Variants in GREB1 observed in about 807,000 individuals in gnomAD.
GREB1 encodes growth regulating estrogen receptor binding 1, also known as protein GREB1.
GREB1 carries 106 observed loss-of-function variants against 200.7 expected under a neutral mutation model. That is an observed-to-expected ratio of 0.53 (90% CI 0.45 to 0.62). The LOEUF (loss-of-function observed/expected upper bound fraction) is 0.62, where lower values mean the gene tolerates loss of function less well. Among genes scored for constraint, GREB1 ranks in the 20% least tolerant of loss-of-function variants. The pLI is 0.00. For missense variants in GREB1, 2,243 were observed against 2,556.8 expected, an observed-to-expected ratio of 0.88 and a Z score of 2.65; for synonymous variants, 1,132 against 1,092.4, an observed-to-expected ratio of 1.04 and a Z score of -0.72.
chr2:11,569,717 C>T (rs577357085), intron 4 of GREB1, among the ~76,000 whole-genome samples: 15 of 152,346 alleles, frequency 9.8e-5, no homozygotes, highest in Admixed American at 3.3e-4. Flanking sequence ...CTGACTTGCT[C>T]AGGGCCACCC....
chr2:11,630,129 G>A lies in GREB1; in HGVS notation c.4611+20G>A, dbSNP rs778225592. 6.2e-7 allele frequency: 1 copy of A among 1,613,510 alleles called. No homozygotes were observed. Among genetic ancestry groups the A allele is most frequent in the Admixed American group, 1.7e-5 (1 of 60,000 alleles). ...GACAAGGTACTGGCTCAGAGACCTA[G>A]TGGGACAGATCCAAGTGGCTTCAAC... On this transcript the variant is annotated intron_variant, in intron 26 of 32. Coordinates refer to ENST00000381486, the MANE Select transcript of GREB1 (RefSeq NM_014668.4).
At chr2:11,614,412 C>T (rs1461464009) in intron 19 of GREB1, among the ~76,000 whole-genome samples, 3 of 152,088 alleles carry the variant, frequency 2.0e-5, no homozygotes, top group Non-Finnish European at 4.4e-5. Context: ...CAGGTGTGAG[C>T]CACCACGCCC....
chr2:11,526,277 G>A (rs1673872464), intron 1 of GREB1, among the ~76,000 whole-genome samples: 1 of 152,050 alleles, frequency 6.6e-6, no homozygotes, highest in Non-Finnish European at 1.5e-5. Context: ...TATATCACTA[G>A]TCCTCTTAGA....
At chr2:11,579,621 T>C (rs1468410508) in intron 6 of GREB1, among the ~76,000 whole-genome samples, 2 of 152,112 alleles carry the variant, frequency 1.3e-5, no homozygotes, top group African/African-American at 4.8e-5. Flanking sequence ...GTGTCCAGGG[T>C]TACACAGCTG....
chr2:11,633,678 T>C lies in GREB1; in HGVS notation c.4992-453T>C, dbSNP rs549144140. ...AAAGTATAATACATATACAGAACTT[T>C]TCCCAAGCTAAGCACATTCATTTAA... On this transcript the variant is annotated intron_variant, in intron 28 of 32. Transcript: ENST00000381486. The surrounding 1 kb of genome is among the most constrained non-coding windows in gnomAD (Gnocchi z 4.1). 1.3e-5 allele frequency among the ~76,000 whole-genome samples: 2 copies of C among 152,304 alleles called. No individual in the cohort carries two copies. The highest frequency in any genetic ancestry group is 4.1e-4 in the South Asian group (2 of 4,820).
At chr2:11,587,413 C>T (rs1305858369) in intron 9 of GREB1, 2 of 1,613,780 alleles carry the variant, frequency 1.2e-6, no homozygotes, top group Non-Finnish European at 1.7e-6. Flanking sequence ...AAATGGTAGC[C>T]CTTGGTCCGG....
chr2:11,605,821 G>T (rs564813815), intron 17 of GREB1, among the ~76,000 whole-genome samples: 1 of 152,112 alleles, frequency 6.6e-6, no homozygotes, highest in African/African-American at 2.4e-5. Context: ...GAATACTATC[G>T]TATGGCCATA....
Position 11,634,208 on chromosome 2 carries a change from A to T in GREB1, c.5069A>T (p.His1690Leu). 6.2e-7 allele frequency: 1 copy of T among 1,614,216 alleles called. No homozygotes were observed. Among genetic ancestry groups the T allele is most frequent in the South Asian group, 1.1e-5 (1 of 91,086 alleles). Residue 1690 changes from histidine to leucine, a missense_variant, in exon 29 of 33, where the codon CAC (histidine) becomes CTC (leucine). By Grantham distance (99) the His-to-Leu change is moderately conservative. Transcript: ENST00000381486. ...QHIEAAPDIM[H>L]YALLGLRKWS... is the part of the protein sequence containing the mutation. The stretch of plus-strand genomic sequence containing the variant: ...ATCGAGGCGGCCCCCGACATCATGC[A>T]CTACGCCCTGCTGGGCCTGCGGAAG...
upstream of GREB1, among the ~76,000 whole-genome samples, chr2:11,533,252 T>G (rs187706696): frequency 6.6e-6 from 1 of 152,196 alleles, no homozygotes; most frequent in Admixed American, 6.5e-5. Flanking sequence ...ACAAGACAGA[T>G]GGAGGAATAT....
At chr2:11,613,958 G>A (rs1398729326) in intron 19 of GREB1, among the ~76,000 whole-genome samples, 3 of 152,132 alleles carry the variant, frequency 2.0e-5, no homozygotes, top group African/African-American at 7.2e-5. Context: ...GCGCAAGTCT[G>A]AGCACGGGGT....
At chr2:11,609,885 A>G (rs968375900) in intron 17 of GREB1, among the ~76,000 whole-genome samples, 3 of 152,234 alleles carry the variant, frequency 2.0e-5, no homozygotes, top group Non-Finnish European at 4.4e-5. Flanking sequence ...AAAAAGCCAG[A>G]GTCAGGAGGA....
At chr2:11,637,605 CCCCTGAGTGACACAAGCT>C in intron 30 of GREB1, 93 bp from the exon 31 acceptor site, 1 of 796,896 alleles carries the variant, frequency 1.3e-6, no homozygotes, top group Non-Finnish European at 2.1e-6. Flanking sequence ...TCAGTTCATT[CCCCTGAGTGACACAAGCT>C]CCCATGCTTG....
At chr2:11,581,897 C>A (rs1679523933) in intron 7 of GREB1, among the ~76,000 whole-genome samples, 1 of 152,172 alleles carries the variant, frequency 6.6e-6, no homozygotes, top group African/African-American at 2.4e-5. Flanking sequence ...ACTGAAGGGG[C>A]AAAGGTAGTT....
chr2:11,525,658 G>C (rs1438175572), intron 1 of GREB1, among the ~76,000 whole-genome samples: 1 of 152,168 alleles, frequency 6.6e-6, no homozygotes, highest in African/African-American at 2.4e-5. Context: ...TGATAGGGAA[G>C]CACTAACTGC....
intron 1 of GREB1, among the ~76,000 whole-genome samples, chr2:11,519,862 C>T (rs184320925): frequency 5.2e-4 from 79 of 152,276 alleles, no homozygotes; most frequent in African/African-American, 1.6e-3. Flanking sequence ...TGAGGCCAAG[C>T]GTGTTGGCTC....
intron 32 of GREB1, among the ~76,000 whole-genome samples, chr2:11,639,931 GA>G (rs1270229228): frequency 2.0e-5 from 3 of 152,062 alleles, no homozygotes; most frequent in Non-Finnish European, 4.4e-5. Context: ...AGAAGAGGGG[GA>G]TGAAGCTGTA....
intron 1 of GREB1, among the ~76,000 whole-genome samples, chr2:11,483,719 T>C (rs1672576846): frequency 6.9e-6 from 1 of 145,834 alleles, no homozygotes; most frequent in Admixed American, 6.8e-5. Flanking sequence ...TGTGTGTGTG[T>C]GTGTGTGTGT....
At chr2:11,561,966 C>G (rs1677092226) in intron 2 of GREB1, among the ~76,000 whole-genome samples, 1 of 152,218 alleles carries the variant, frequency 6.6e-6, no homozygotes, top group South Asian at 2.1e-4. Flanking sequence ...CTGGATCTCT[C>G]TGAACCTCCA....
intron 10 of GREB1, among the ~76,000 whole-genome samples, chr2:11,592,563 GA>G (rs112512855): frequency 1.3e-5 from 2 of 151,950 alleles, no homozygotes; most frequent in Non-Finnish European, 2.9e-5. Context: ...CTTTCATATG[GA>G]AAAAAAGACT....
Sources: gnomAD v4.1 joint callset for allele counts (sites outside exome capture counted in the v4.1 genomes callset) on GRCh38, gnomAD v4.1.1 for gene constraint, Gnocchi (gnomAD v3.1) non-coding constraint, MANE v1.5 for transcripts, NCBI Gene and HGNC (gene_info 2026-07-23, HGNC 2026-07-21) for gene names.